The following RAB6A variants were observed in gnomAD, a reference collection of about 807,000 sequenced individuals.
RAB6A encodes the protein ras-related protein Rab-6A.
Under a neutral mutation model 32.3 loss-of-function variants are expected in RAB6A, and 8 were observed. The ratio of observed to expected loss-of-function variants is 0.25; its 90% CI spans 0.15 to 0.45. The LOEUF (loss-of-function observed/expected upper bound fraction) is 0.45. RAB6A is among the 20% of genes least tolerant of loss of function. The pLI is 1.00. For synonymous variants in RAB6A, 73 were observed against 82.1 expected (o/e 0.89, Z 0.60); for missense variants, 104 against 249.4 (o/e 0.42, Z 3.93).
At chr11:73,743,340 C>T (rs1406327836) in intron 1 of RAB6A, among the ~76,000 whole-genome samples, 1 of 150,928 alleles carries the variant, frequency 6.6e-6, no homozygotes, top group Admixed American at 6.6e-5. Context: ...AGAAAGAAAG[C>T]ACTGTCAGTG....
chr11:73,709,381 G>C (rs1945903077), intron 5 of RAB6A, among the ~76,000 whole-genome samples: 1 of 151,188 alleles, frequency 6.6e-6, no homozygotes, highest in Admixed American at 6.6e-5. Flanking sequence ...GAGGATAAAT[G>C]CTCGAGTCAG....
At chr11:73,690,910 A>C (rs1424799301) in intron 6 of RAB6A, among the ~76,000 whole-genome samples, 2 of 151,206 alleles carry the variant, frequency 1.3e-5, no homozygotes, top group Admixed American at 6.6e-5. Flanking sequence ...AAAAAACCCA[A>C]AACACGAACA....
chr11:73,730,680 T>A, intron 2 of RAB6A, 85 bp downstream of exon 2: 1 of 1,084,428 alleles, frequency 9.2e-7, no homozygotes. Flanking sequence ...CATCCACAAC[T>A]GCAAGTAAAT....
chr11:73,718,740 C>T, intron 3 of RAB6A, 22 bp from the exon 4 acceptor site: 1 of 1,613,800 alleles, frequency 6.2e-7, no homozygotes, highest in Non-Finnish European at 8.5e-7. Flanking sequence ...ATCAGTCAAA[C>T]AAGCAAGAAA....
chr11:73,704,227 T>A (rs1034956095), intron 6 of RAB6A: 6 of 418,148 alleles, frequency 1.4e-5, no homozygotes, highest in Non-Finnish European at 2.9e-5. Flanking sequence ...TGGAAAAAAA[T>A]TAAAAATTAG....
chr11:73,747,917 T>C (rs1193570818), intron 1 of RAB6A, among the ~76,000 whole-genome samples: 3 of 152,236 alleles, frequency 2.0e-5, no homozygotes, highest in Admixed American at 6.5e-5. Context: ...CATTATCTTA[T>C]TCCTAACGAT....
At chr11:73,751,649 A>G (rs1946670192) in intron 1 of RAB6A, among the ~76,000 whole-genome samples, 1 of 152,176 alleles carries the variant, frequency 6.6e-6, no homozygotes. Context: ...AGAAAGAAAA[A>G]CGGGGTTTCT....
chr11:73,682,375 ATAAG>A (rs1479913028), intron 6 of RAB6A, among the ~76,000 whole-genome samples: 1 of 152,190 alleles, frequency 6.6e-6, no homozygotes, highest in Non-Finnish European at 1.5e-5. Context: ...GAACAAAAAA[ATAAG>A]TAGGCCGAGC....
chr11:73,736,959 C>CA (rs1192817903), intron 1 of RAB6A, among the ~76,000 whole-genome samples: 52 of 126,482 alleles, frequency 4.1e-4, no homozygotes, highest in African/African-American at 1.5e-3. Context: ...GCCTGGGTGA[C>CA]ACAGCGAGAC....
intron 1 of RAB6A, among the ~76,000 whole-genome samples, chr11:73,751,796 T>G (rs1442755850): frequency 5.3e-5 from 8 of 152,058 alleles, no homozygotes; most frequent in Non-Finnish European, 8.8e-5. Context: ...CAACCAAGAT[T>G]CTCTCCAGCA....
chr11:73,743,170 T>C (rs757018889), intron 1 of RAB6A, among the ~76,000 whole-genome samples: 34 of 151,842 alleles, frequency 2.2e-4, no homozygotes, highest in Non-Finnish European at 3.5e-4. Flanking sequence ...CCAGATCTTG[T>C]GGTGGGCACC....
intron 2 of RAB6A, among the ~76,000 whole-genome samples, chr11:73,724,565 A>C (rs1285269860): frequency 7.0e-6 from 1 of 142,574 alleles, no homozygotes; most frequent in Admixed American, 7.5e-5. Context: ...AGCTCACCGC[A>C]ACCTCCGCCT....
At chr11:73,734,829 T>C (rs1468377304) in intron 1 of RAB6A, among the ~76,000 whole-genome samples, 1 of 152,094 alleles carries the variant, frequency 6.6e-6, no homozygotes, top group African/African-American at 2.4e-5. Flanking sequence ...TCAGTAAAAG[T>C]AGGTAGGAAC....
chr11:73,697,512 TG>T (rs139871537), intron 6 of RAB6A, among the ~76,000 whole-genome samples: 1,625 of 152,090 alleles, frequency 0.011, 25 homozygotes, highest in African/African-American at 0.035. Flanking sequence ...CACACTCGGC[TG>T]ATTTTCGTAT....
At chr11:73,714,527 T>C (rs1946023441) in intron 5 of RAB6A, among the ~76,000 whole-genome samples, 2 of 149,896 alleles carry the variant, frequency 1.3e-5, no homozygotes, top group Admixed American at 1.3e-4. Context: ...CCGGGCATGG[T>C]GGCAGGCATC....
intron 6 of RAB6A, among the ~76,000 whole-genome samples, chr11:73,705,342 G>A (rs1945821141): frequency 6.6e-6 from 1 of 152,180 alleles, no homozygotes; most frequent in Admixed American, 6.5e-5. Flanking sequence ...AAGGCCAGGA[G>A]TTTGAGTCAA....
At chr11:73,691,637 C>T (rs1052447204) in intron 6 of RAB6A, among the ~76,000 whole-genome samples, 1 of 152,084 alleles carries the variant, frequency 6.6e-6, no homozygotes, top group Non-Finnish European at 1.5e-5. Flanking sequence ...TTAGCTAAAA[C>T]AATAATTAAG....
chr11:73,755,249 T>C (rs574548542), intron 1 of RAB6A, among the ~76,000 whole-genome samples: 1 of 152,050 alleles, frequency 6.6e-6, no homozygotes, highest in Admixed American at 6.5e-5. Flanking sequence ...TTTTAACATA[T>C]TAAATATTTT....
At chr11:73,758,291 C>T (rs541803554) in intron 1 of RAB6A, among the ~76,000 whole-genome samples, 2 of 152,118 alleles carry the variant, frequency 1.3e-5, no homozygotes, top group Admixed American at 1.3e-4. Flanking sequence ...AGAAAAAGGA[C>T]ATTAGGTTAA....
Sources: allele counts gnomAD v4.1 joint callset (sites outside exome capture counted in the v4.1 genomes callset), GRCh38; gene constraint gnomAD v4.1.1; transcripts MANE v1.5; gene names NCBI Gene and HGNC (gene_info 2026-07-23, HGNC 2026-07-21).